The following CSKMT variants were observed in gnomAD, a reference collection of about 807,000 sequenced individuals.
CSKMT encodes citrate synthase-lysine N-methyltransferase CSKMT, mitochondrial.
Under a neutral mutation model 4.6 loss-of-function variants are expected in CSKMT, and 6 were observed. The ratio of observed to expected loss-of-function variants is 1.31; its 90% CI spans 0.72 to 2.59. The LOEUF (loss-of-function observed/expected upper bound fraction) is 2.59. CSKMT is among the 30% of genes most tolerant of loss of function. CSKMT has a pLI of 0.00. For missense variants in CSKMT, 328 were observed against 298.0 expected (o/e 1.10, Z -0.74); for synonymous variants, 142 against 128.9 (o/e 1.10, Z -0.69).
At chr11:62,666,030 T>A in intron 2 of CSKMT, 84 bp downstream of exon 2, 1 of 1,425,740 alleles carries the variant, frequency 7.0e-7, no homozygotes, top group Non-Finnish European at 9.6e-7. Flanking sequence ...GTCAGGAGTG[T>A]AGTCCCTGAA....
At chr11:62,666,304 T>A (rs1222878646) in intron 2 of CSKMT, 92 bp from the exon 3 acceptor site, 1 of 1,329,228 alleles carries the variant, frequency 7.5e-7, no homozygotes, top group Non-Finnish European at 1.1e-6. Context: ...AGTGAGACCC[T>A]GTCTCAAAAA....
Position 62,667,449 on chromosome 11 carries a change from G to A in CSKMT, c.*398G>A. On this transcript the variant is annotated 3_prime_UTR_variant, in exon 3 of 3. Coordinates refer to ENST00000532971, the MANE Select transcript of CSKMT (RefSeq NM_001043229.2). ...CTCATTTTTGTCACCTGTAAAAGGA[G>A]ATTGTAAGAGGATGGGTATAAGGAG... 6.8e-7 allele frequency: 1 copy of A among 1,476,582 alleles called. No individual in the cohort carries two copies. The highest frequency in any genetic ancestry group is 9.5e-7 in the Non-Finnish European group (1 of 1,056,212). 91.5% of individuals were successfully genotyped at this position (1,476,582 alleles called of 1,614,324 possible). A position where few individuals can be genotyped will look rare whatever the true frequency, so the allele number is the denominator to read the frequency against.
At position 62,667,049 on chromosome 11, in the gene CSKMT, T is replaced by C; in HGVS notation, c.721T>C (p.Ter241GlnextTer40). Residue 241 changes from the stop codon to glutamine, a stop_lost, in exon 3 of 3, where the codon TAA becomes CAA. Coordinates refer to ENST00000532971, the MANE Select transcript of CSKMT (RefSeq NM_001043229.2). Reference sequence around the variant, plus strand: ...TGCTTACTTGATTCAAGGCTCTCATTAAAGACATTTTAGTAGTCCTGACCC... The same window carrying C: ...TGCTTACTTGATTCAAGGCTCTCATCAAAGACATTTTAGTAGTCCTGACCC... ...YFAYLIQGSH[*>Q] 6.3e-7 allele frequency: 1 copy of C among 1,593,366 alleles called. No homozygotes were observed. Among genetic ancestry groups the C allele is most frequent in the Non-Finnish European group, 8.5e-7 (1 of 1,169,876 alleles).
rs889116453 is a variant in CSKMT, at chr11:62,667,273, A to G, written c.*222A>G. On this transcript the variant is annotated 3_prime_UTR_variant, in exon 3 of 3. Transcript: ENST00000532971. ...GATTACATACAATGATGTGCGCAATATTTAGCACAAAATGAATGCTGAAAA... is the reference window on the plus strand; with the variant it reads ...GATTACATACAATGATGTGCGCAATGTTTAGCACAAAATGAATGCTGAAAA... 7 of 637,764 alleles carry G rather than the reference A, an allele frequency of 1.1e-5. No homozygotes were observed. Among genetic ancestry groups the G allele is most frequent in the East Asian group, 8.2e-5 (3 of 36,532 alleles). 39.5% of individuals were successfully genotyped at this position (637,764 alleles called of 1,614,324 possible). A position where few individuals can be genotyped will look rare whatever the true frequency, so the allele number is the denominator to read the frequency against.
chr11:62,667,387 G>C lies in CSKMT; in HGVS notation c.*336G>C, dbSNP rs1399219584. 1.1e-6 allele frequency: 1 copy of C among 882,056 alleles called. No individual in the cohort carries two copies. The highest frequency in any genetic ancestry group is 1.8e-6 in the Non-Finnish European group (1 of 554,188). 54.6% of individuals were successfully genotyped at this position (882,056 alleles called of 1,614,324 possible). A position where few individuals can be genotyped will look rare whatever the true frequency, so the allele number is the denominator to read the frequency against. On this transcript the variant is annotated 3_prime_UTR_variant, in exon 3 of 3. Coordinates refer to ENST00000532971, the MANE Select transcript of CSKMT (RefSeq NM_001043229.2). ...GGAACTGAATCAAAACCCCTGCGCT[G>C]ACTGACTTGTATAATCTAGTGGCCT...
In CSKMT at chr11:62,668,092, T is replaced by C. The variant is rs748260061; in HGVS notation, c.*1041T>C. On this transcript the variant is annotated 3_prime_UTR_variant, in exon 3 of 3. Transcript: ENST00000532971. The stretch of plus-strand genomic sequence containing the variant: ...TGCTTATAAAAAAATAGAGCAATTA[T>C]ATCACTAAGAGCCTAACCTCGCAGC... 6.4e-5 allele frequency: 14 copies of C among 219,014 alleles called. No homozygotes were observed. Among genetic ancestry groups the C allele is most frequent in the Non-Finnish European group, 9.3e-5 (10 of 108,048 alleles). 13.6% of individuals were successfully genotyped at this position (219,014 alleles called of 1,614,324 possible).
At position 62,665,667 on chromosome 11, in the gene CSKMT, C is replaced by G; in HGVS notation, c.-213C>G. 6 of 1,469,948 alleles carry G rather than the reference C, an allele frequency of 4.1e-6. No individual in the cohort carries two copies. Among genetic ancestry groups the G allele is most frequent in the Non-Finnish European group, 5.4e-6 (6 of 1,112,542 alleles). The allele number at this position is 1,469,948 out of a possible 1,614,324, so 91.1% of individuals were successfully genotyped here. On this transcript the variant is annotated 5_prime_UTR_variant, in exon 2 of 3. Transcript: ENST00000532971. Reference sequence around the variant, plus strand: ...TTCAGGTCTGCGGACGCTGTATACCCTCCTCCACTTCCCGCTGCAGCCAAT... The same window carrying G: ...TTCAGGTCTGCGGACGCTGTATACCGTCCTCCACTTCCCGCTGCAGCCAAT...
chr11:62,667,764 G>A lies in CSKMT; in HGVS notation c.*713G>A. The A allele has an allele frequency of 6.5e-7, 1 of 1,529,482 alleles. No homozygotes were observed. The highest frequency in any genetic ancestry group is 1.8e-5 in the Admixed American group (1 of 56,904). The allele number at this position is 1,529,482 out of a possible 1,614,324, so 94.7% of individuals were successfully genotyped here. On this transcript the variant is annotated 3_prime_UTR_variant, in exon 3 of 3. Transcript: ENST00000532971. ...AAGCCCAGCCTGGGATGGAGGAAGAGAGGGGACAAAAATATTACTGATATA... is the reference window on the plus strand; with the variant it reads ...AAGCCCAGCCTGGGATGGAGGAAGAAAGGGGACAAAAATATTACTGATATA...
At position 62,665,976 on chromosome 11, in the gene CSKMT, CAAGGTGGGGGCAGAGTGGGGAGGGT is replaced by C. The variant is rs567910386; in HGVS notation, c.67+39_67+63del. On this transcript the variant is annotated intron_variant, in intron 2 of 2. Transcript: ENST00000532971. ...GGAGGTGGGGGCAGAGTGGAGAGGG[CAAGGTGGGGGCAGAGTGGGGAGGGT>C]AAGGTGGGTTCCTCGTGAGTCAGGA... The C allele has an allele frequency of 1.4e-3, 2,164 of 1,588,036 alleles. 8 individuals are homozygous for C. Among genetic ancestry groups the C allele is most frequent in the Middle Eastern group, 5.0e-3 (30 of 5,962 alleles).
chr11:62,668,010 A>C lies in CSKMT; in HGVS notation c.*959A>C, dbSNP rs1054452048. The stretch of plus-strand genomic sequence containing the variant: ...TTGAACCCTGGGAGGTCAAAGCTGC[A>C]ATGGGCCATGATAAGCTGCTGCACT... On this transcript the variant is annotated 3_prime_UTR_variant, in exon 3 of 3. Coordinates refer to ENST00000532971, the MANE Select transcript of CSKMT (RefSeq NM_001043229.2). 3.5e-5 allele frequency: 13 copies of C among 375,158 alleles called. No individual in the cohort carries two copies. The East Asian group carries it at 5.4e-4, about 15-fold the overall frequency. 23.2% of individuals were successfully genotyped at this position (375,158 alleles called of 1,614,324 possible). A position where few individuals can be genotyped will look rare whatever the true frequency, so the allele number is the denominator to read the frequency against.
In CSKMT at chr11:62,666,841, G is replaced by A; in HGVS notation, c.513G>A (p.Arg171=). 2 of 1,614,198 alleles carry A rather than the reference G, an allele frequency of 1.2e-6. No individual in the cohort carries two copies. Among genetic ancestry groups the A allele is most frequent in the South Asian group, 1.1e-5 (1 of 91,086 alleles). Residue 171 remains arginine, a synonymous_variant, in exon 3 of 3, where the codon CGG becomes CGA. Coordinates refer to ENST00000532971, the MANE Select transcript of CSKMT (RefSeq NM_001043229.2). ...LDKGTWDAVA[R]GGLPRAYQLL... is the part of the protein sequence containing the mutation. ...AAGGCACATGGGATGCTGTTGCCCG[G>A]GGAGGTCTGCCTAGGGCTTACCAGC...
intron 2 of CSKMT, 121 bp downstream of exon 2, chr11:62,666,067 G>A: frequency 8.5e-7 from 1 of 1,170,380 alleles, no homozygotes; most frequent in Non-Finnish European, 1.2e-6. Context: ...CCTACGGTGG[G>A]CCGTGCGTGG....
chr11:62,667,221 A>G lies in CSKMT; in HGVS notation c.*170A>G. 2 of 698,568 alleles carry G rather than the reference A, an allele frequency of 2.9e-6. No individual in the cohort carries two copies. Among genetic ancestry groups the G allele is most frequent in the South Asian group, 1.9e-5 (1 of 52,736 alleles). 43.3% of individuals were successfully genotyped at this position (698,568 alleles called of 1,614,324 possible). On this transcript the variant is annotated 3_prime_UTR_variant, in exon 3 of 3. Transcript: ENST00000532971. ...TCTGTTCCCCAGTTTACTCATCTGC[A>G]GAGTGAGAATAACTTGGAGTTACGG...
chr11:62,665,399 G>A lies in CSKMT; in HGVS notation c.-234+67G>A, dbSNP rs1023134951. ...GGAGTGGTGGGGGTGCCGGGTGGAA[G>A]GCTCTGGGCGGGGTCTCAGGACCCT... On this transcript the variant is annotated intron_variant, in intron 1 of 2. Transcript: ENST00000532971. 1.4e-5 allele frequency: 18 copies of A among 1,309,992 alleles called. No individual in the cohort carries two copies. In the African/African-American group the frequency reaches 2.0e-4, roughly 15 times the overall value. The allele number at this position is 1,309,992 out of a possible 1,614,324, so 81.1% of individuals were successfully genotyped here.
Position 62,666,930 on chromosome 11 carries a change from A to G in CSKMT, c.602A>G (p.Asp201Gly), listed in dbSNP as rs779908877. 2 of 1,613,774 alleles carry G rather than the reference A, an allele frequency of 1.2e-6. No individual in the cohort carries two copies. Among genetic ancestry groups the G allele is most frequent in the African/African-American group, 1.3e-5 (1 of 74,814 alleles). Reference sequence around the variant, plus strand: ...ACCCTGATTCAGTTCTCAGATGAGGACCCTGATGTGCGACTGCCCTGCCTG... The same window carrying G: ...ACCCTGATTCAGTTCTCAGATGAGGGCCCTGATGTGCGACTGCCCTGCCTG... ...QGTLIQFSDE[D>G]PDVRLPCLEQ... Residue 201 changes from aspartate (D) to glycine (G), a missense_variant, in exon 3 of 3, where the codon GAC (aspartate) becomes GGC (glycine). Coordinates refer to ENST00000532971, the MANE Select transcript of CSKMT (RefSeq NM_001043229.2).
At position 62,665,911 on chromosome 11, in the gene CSKMT, C is replaced by G. The variant is rs562358156; in HGVS notation, c.32C>G (p.Pro11Arg). 7 of 1,613,152 alleles carry G rather than the reference C, an allele frequency of 4.3e-6. No individual in the cohort carries two copies. The Admixed American group carries it at 6.7e-5, about 15-fold the overall frequency. MAALRRMLHL[P>R]SLMMGTCRPF... Reference sequence around the variant, plus strand: ...GCGCTGCGTCGAATGCTCCACTTGCCGAGCCTGATGATGGGGACGTGCCGC... The same window carrying G: ...GCGCTGCGTCGAATGCTCCACTTGCGGAGCCTGATGATGGGGACGTGCCGC... Residue 11 changes from proline (P) to arginine (R), a missense_variant, in exon 2 of 3, where the codon CCG (proline) becomes CGG (arginine). Physicochemically the swap from Pro to Arg is moderately radical, Grantham distance 103 (BLOSUM62 -2). Coordinates refer to ENST00000532971, the MANE Select transcript of CSKMT (RefSeq NM_001043229.2).
In CSKMT at chr11:62,666,685, CCT is replaced by C; in HGVS notation, c.358_359del (p.Leu120GlyfsTer56). The C allele has an allele frequency of 6.2e-6, 10 of 1,614,094 alleles. No homozygotes were observed. The highest frequency in any genetic ancestry group is 8.5e-6 in the Non-Finnish European group (10 of 1,180,024). On this transcript the variant is annotated frameshift_variant, in exon 3 of 3. Transcript: ENST00000532971. LOFTEE classifies it low-confidence loss of function (END_TRUNC). The stretch of plus-strand genomic sequence containing the variant: ...TGGCTGTGGCCCACATGAATAGCCT[CCT>C]GGAGGGTGGCCCAGGCCAAACACCT... Reference protein sequence around the residue: ...PVAVAHMNSLLEGGPGQTPLC... With the variant: ...PVAVAHMNSLXEGGPGQTPLC...
At chr11:62,665,385 G>A (rs753686168) in intron 1 of CSKMT, 53 bp downstream of exon 1, 6 of 1,149,224 alleles carry the variant, frequency 5.2e-6, no homozygotes, top group East Asian at 4.9e-5. Flanking sequence ...GAGTGGTGGG[G>A]GTGCCGGGTG....
In CSKMT at chr11:62,666,414, G is replaced by T. The variant is rs761223693; in HGVS notation, c.86G>T (p.Cys29Phe). ...RPFAGSLADS[C>F]LADRCLWDRL... ...CCCACAGGCTCACTGGCTGATAGTT[G>T]CCTGGCGGACCGCTGTCTCTGGGAT... The change falls in exon 3 of 3, where the codon TGC (cysteine) becomes TTC (phenylalanine). Residue 29 changes from cysteine (C) to phenylalanine (F), a missense_variant. Physicochemically the swap from Cys to Phe is radical, Grantham distance 205. Transcript: ENST00000532971. 10 of 1,610,650 alleles carry T rather than the reference G, an allele frequency of 6.2e-6. No homozygotes were observed. Among genetic ancestry groups the T allele is most frequent in the Non-Finnish European group, 8.5e-6 (10 of 1,179,996 alleles).
Sources: allele counts gnomAD v4.1 joint callset, GRCh38; gene constraint gnomAD v4.1.1; transcripts MANE v1.5; gene names NCBI Gene and HGNC (gene_info 2026-07-23, HGNC 2026-07-21).